MYO3B: variants seen among roughly 807,000 people sequenced by gnomAD.
MYO3B encodes the protein myosin IIIB.
Under a neutral mutation model 174.6 loss-of-function variants are expected in MYO3B, and 156 were observed. The ratio of observed to expected loss-of-function variants is 0.89; its 90% CI spans 0.78 to 1.02. The LOEUF is 1.02. Among genes scored for constraint, MYO3B ranks in the 50% least tolerant of loss-of-function variants. The pLI is 0.00. For missense variants in MYO3B, 1,632 were observed against 1,639.4 expected (o/e 1.00, Z 0.08); for synonymous variants, 563 against 569.1 (o/e 0.99, Z 0.15).
Position 170,574,885 on chromosome 2 carries a change from G to A in MYO3B, c.3733+30897G>A, listed in dbSNP as rs75523247. ...AAATGAACTTGGACCTAATAAATCAGTCTCAGTCTTGATCTCCTTCTCCCT... is the reference window on the plus strand; with the variant it reads ...AAATGAACTTGGACCTAATAAATCAATCTCAGTCTTGATCTCCTTCTCCCT... On this transcript the variant is annotated intron_variant, in intron 32 of 34. Transcript: ENST00000408978. 6.8e-3 allele frequency among the ~76,000 whole-genome samples: 1,028 copies of A among 152,208 alleles called. 7 individuals are homozygous for A. Among genetic ancestry groups the A allele is most frequent in the African/African-American group, 0.023 (950 of 41,546 alleles).
intron 29 of MYO3B, among the ~76,000 whole-genome samples, chr2:170,516,431 G>C (rs1427955269): frequency 6.6e-6 from 1 of 151,948 alleles, no homozygotes; most frequent in Non-Finnish European, 1.5e-5. Flanking sequence ...CACGAGGTCA[G>C]GAGATACAGA....
chr2:170,292,999 G>A (rs1215203393), intron 7 of MYO3B, among the ~76,000 whole-genome samples: 2 of 152,098 alleles, frequency 1.3e-5, no homozygotes, highest in Non-Finnish European at 2.9e-5. Flanking sequence ...ATTGTGAGTT[G>A]GGGAAAGATT....
At chr2:170,347,614 G>T (rs2094026593) in intron 8 of MYO3B, among the ~76,000 whole-genome samples, 1 of 151,930 alleles carries the variant, frequency 6.6e-6, no homozygotes, top group Non-Finnish European at 1.5e-5. Flanking sequence ...AAAATAAAAA[G>T]AAAATAAATC....
intron 32 of MYO3B, among the ~76,000 whole-genome samples, chr2:170,611,893 G>A (rs1695145335): frequency 6.6e-6 from 1 of 152,132 alleles, no homozygotes; most frequent in Middle Eastern, 3.2e-3. Context: ...CCAAATGTAG[G>A]AACTTCACAG....
At chr2:170,224,103 A>G (rs1260250209) in intron 6 of MYO3B, among the ~76,000 whole-genome samples, 2 of 152,234 alleles carry the variant, frequency 1.3e-5, no homozygotes, top group East Asian at 1.9e-4. Context: ...TATTTTGAAC[A>G]TTGCACTTGC....
chr2:170,320,949 G>A lies in MYO3B; in HGVS notation c.750-14436G>A, dbSNP rs559104232. 1.3e-4 allele frequency among the ~76,000 whole-genome samples: 20 copies of A among 152,298 alleles called. No individual in the cohort carries two copies. The South Asian group carries it at 3.9e-3, about 30-fold the overall frequency. ...AAAGTACTGTATAACCAAGCTGGGT[G>A]CAGTGTCATGCACCTGTAGTCCCAA... is the stretch of plus-strand genomic sequence containing the variant. On this transcript the variant is annotated intron_variant, in intron 7 of 34. Transcript: ENST00000408978.
chr2:170,571,639 A>G (rs1692446382), intron 32 of MYO3B, among the ~76,000 whole-genome samples: 1 of 152,218 alleles, frequency 6.6e-6, no homozygotes, highest in African/African-American at 2.4e-5. Flanking sequence ...TGAGATTAGC[A>G]GAGAGGCTGT....
chr2:170,305,691 C>G (rs547496854), intron 7 of MYO3B, among the ~76,000 whole-genome samples: 1 of 152,132 alleles, frequency 6.6e-6, no homozygotes, highest in Non-Finnish European at 1.5e-5. Context: ...GCATGATAGA[C>G]TACCCCAAAC....
chr2:170,186,694 T>C (rs913307098), intron 1 of MYO3B, among the ~76,000 whole-genome samples: 4 of 152,172 alleles, frequency 2.6e-5, no homozygotes, highest in African/African-American at 4.8e-5. Context: ...TTGAGTAGGA[T>C]TGGCATTAGT....
chr2:170,532,124 T>G (rs941545313), intron 30 of MYO3B, among the ~76,000 whole-genome samples: 2 of 152,202 alleles, frequency 1.3e-5, no homozygotes, highest in African/African-American at 4.8e-5. Flanking sequence ...CCTGTTATGA[T>G]GTATTGAGAA....
chr2:170,368,832 A>AT (rs140970436), intron 8 of MYO3B, among the ~76,000 whole-genome samples: 4,614 of 152,294 alleles, frequency 0.03, 117 homozygotes, highest in East Asian at 0.11. Flanking sequence ...AGGTGATAGT[A>AT]TTTAATTCTA....
intron 7 of MYO3B, among the ~76,000 whole-genome samples, chr2:170,268,014 C>G (rs111619108): frequency 0.013 from 1,999 of 152,212 alleles, 58 homozygotes; most frequent in African/African-American, 0.046. Context: ...TCGAGACCAG[C>G]CTGGCGAACA....
intron 32 of MYO3B, among the ~76,000 whole-genome samples, chr2:170,601,127 AT>A (rs1461226480): frequency 2.6e-5 from 4 of 151,746 alleles, no homozygotes; most frequent in Admixed American, 6.6e-5. Context: ...AAGAAGAAAA[AT>A]TTCAGACCTA....
At chr2:170,396,899 TGA>T (rs2094444857) in intron 16 of MYO3B, among the ~76,000 whole-genome samples, 1 of 152,190 alleles carries the variant, frequency 6.6e-6, no homozygotes, top group Non-Finnish European at 1.5e-5. Flanking sequence ...CTAAGAGTAC[TGA>T]GAGTTTCAGA....
At chr2:170,623,330 T>C (rs1200771173) in intron 32 of MYO3B, among the ~76,000 whole-genome samples, 3 of 152,250 alleles carry the variant, frequency 2.0e-5, no homozygotes, top group Non-Finnish European at 4.4e-5. Context: ...CCAGTGATGA[T>C]GAGCATTTTT....
chr2:170,614,941 T>A (rs901558412), intron 32 of MYO3B, among the ~76,000 whole-genome samples: 3 of 152,164 alleles, frequency 2.0e-5, no homozygotes, highest in Non-Finnish European at 4.4e-5. Flanking sequence ...CCTCCCTTGC[T>A]CACTAATCTA....
At chr2:170,464,732 G>A (rs1684510943) in intron 24 of MYO3B, among the ~76,000 whole-genome samples, 1 of 152,134 alleles carries the variant, frequency 6.6e-6, no homozygotes, top group Non-Finnish European at 1.5e-5. Context: ...TCATTCTGAT[G>A]TTTGGTTATT....
rs148281187 is a variant in MYO3B, at chr2:170,252,812, C to T, written c.749+16676C>T. On this transcript the variant is annotated intron_variant, in intron 7 of 34. Coordinates refer to ENST00000408978, the MANE Select transcript of MYO3B (RefSeq NM_138995.5). ...TGTCTCAAGGGAATAAGGGAGCAAG[C>T]CACATTTGGAGGAAACATAAGTGCA... is the stretch of plus-strand genomic sequence containing the variant. Among the ~76,000 whole-genome samples the T allele has an allele frequency of 4.4e-3, 671 of 152,158 alleles. 6 individuals carry two copies. The highest frequency in any genetic ancestry group is 0.016 in the African/African-American group (651 of 41,490).
intron 25 of MYO3B, among the ~76,000 whole-genome samples, chr2:170,470,358 G>T (rs1684912552): frequency 6.6e-6 from 1 of 152,030 alleles, no homozygotes; most frequent in Non-Finnish European, 1.5e-5. Flanking sequence ...ATACAACGTG[G>T]CCTTTTGTGT....
Sources: allele counts gnomAD v4.1 joint callset (sites outside exome capture counted in the v4.1 genomes callset), GRCh38; gene constraint gnomAD v4.1.1; transcripts MANE v1.5; gene names NCBI Gene and HGNC (gene_info 2026-07-23, HGNC 2026-07-21).